The following ABCD4 variants were observed in gnomAD, a reference collection of about 807,000 sequenced individuals.
ABCD4 encodes ATP binding cassette subfamily D member 4.
In ABCD4, 53 loss-of-function variants were observed where a neutral mutation model predicts 86.3. That is an observed-to-expected ratio of 0.61 (90% CI 0.49 to 0.77). The LOEUF (loss-of-function observed/expected upper bound fraction) is 0.77. Ranked by LOEUF, ABCD4 falls within the 30% of genes least tolerant of loss-of-function variation. The pLI is 0.00. For missense variants in ABCD4, 757 were observed against 764.5 expected (o/e 0.99, Z 0.12); for synonymous variants, 328 against 313.6 (o/e 1.05, Z -0.49).
At chr14:74,289,409 T>A (rs2080825789) in intron 14 of ABCD4, 74 bp downstream of exon 14, 10 of 1,594,144 alleles carry the variant, frequency 6.3e-6, no homozygotes, top group Non-Finnish European at 8.5e-6. Flanking sequence ...AGGGCACAGA[T>A]GAGGCCACAG....
At chr14:74,299,392 G>T in intron 3 of ABCD4, 156 bp downstream of exon 3, 1 of 917,986 alleles carries the variant, frequency 1.1e-6, no homozygotes. Flanking sequence ...AGATCAACGT[G>T]CTTAATAAAG....
rs2083272202 is a variant in ABCD4, at chr14:74,297,860, C to T, written c.425+70G>A. On this transcript the variant is annotated intron_variant, in intron 4 of 18. Transcript: ENST00000356924. The stretch of plus-strand genomic sequence containing the variant: ...TGATCTCCTTGGTGTCTGCCACCAG[C>T]AGTCTCCAGGGCTAGGCCAGAAGGA... The T allele has an allele frequency of 4.6e-6, 7 of 1,520,934 alleles. No homozygotes were observed. The South Asian group carries it at 8.0e-5, about 17-fold the overall frequency. The allele number at this position is 1,520,934 out of a possible 1,614,324, so 94.2% of individuals were successfully genotyped here.
At chr14:74,297,809 C>A in intron 4 of ABCD4, 121 bp downstream of exon 4, 1 of 1,452,422 alleles carries the variant, frequency 6.9e-7, no homozygotes, top group Non-Finnish European at 9.1e-7. Flanking sequence ...TGACTCTGGG[C>A]AGCAGCATTT....
At position 74,288,704 on chromosome 14, in the gene ABCD4, C is replaced by T. The variant is rs1278396201; in HGVS notation, c.1506+12G>A. 1.2e-6 allele frequency: 2 copies of T among 1,613,052 alleles called. No homozygotes were observed. Among genetic ancestry groups the T allele is most frequent in the Admixed American group, 1.7e-5 (1 of 59,906 alleles). On this transcript the variant is annotated intron_variant, in intron 15 of 18. Transcript: ENST00000356924. The stretch of plus-strand genomic sequence containing the variant: ...GTGGGCTCGGGTCCTGAGGGTCCCT[C>T]TCCCCACTTACCAGGCCTGCCAATT...
intron 6 of ABCD4, 53 bp downstream of exon 6, chr14:74,295,801 C>A (rs1344082180): frequency 6.9e-6 from 11 of 1,605,796 alleles, no homozygotes; most frequent in African/African-American, 1.3e-5. Flanking sequence ...CTCCAGATCC[C>A]CTTCCTTAAC....
At chr14:74,290,226 T>C in intron 12 of ABCD4, 65 bp downstream of exon 12, 2 of 1,611,048 alleles carry the variant, frequency 1.2e-6, no homozygotes, top group Non-Finnish European at 1.7e-6. Context: ...TACCACACCG[T>C]CCCCGCCTTC....
Position 74,287,668 on chromosome 14 carries a change from G to C in ABCD4, c.1636+142C>G. 2.7e-6 allele frequency: 2 copies of C among 740,376 alleles called. 1 individual carries two copies. The highest frequency in any genetic ancestry group is 3.4e-5 in the South Asian group (2 of 59,346). The allele number at this position is 740,376 out of a possible 1,614,324, so 45.9% of individuals were successfully genotyped here. A position where few individuals can be genotyped will look rare whatever the true frequency, so the allele number is the denominator to read the frequency against. On this transcript the variant is annotated intron_variant, in intron 17 of 18. Transcript: ENST00000356924. ...ACGATGCCAGGCACTGTTTACACGG[G>C]CAGGGCCTGCTGTCCTCTCCAGCAG...
chr14:74,287,888 T>A lies in ABCD4; in HGVS notation c.1560-2A>T. ...TCCCCCGGGGACAGAACATCATACCTGAGGAAAGGTAGGAGAGAGGACTGC... is the reference window on the plus strand; with the variant it reads ...TCCCCCGGGGACAGAACATCATACCAGAGGAAAGGTAGGAGAGAGGACTGC... On this transcript the variant is annotated splice_acceptor_variant, in intron 16 of 18. Coordinates refer to ENST00000356924, the MANE Select transcript of ABCD4 (RefSeq NM_005050.4). LOFTEE classifies it high-confidence loss of function. The A allele has an allele frequency of 6.2e-7, 1 of 1,611,818 alleles. No homozygotes were observed. The highest frequency in any genetic ancestry group is 8.5e-7 in the Non-Finnish European group (1 of 1,178,756).
chr14:74,296,268 G>T, intron 5 of ABCD4, 65 bp downstream of exon 5: 1 of 1,502,640 alleles, frequency 6.7e-7, no homozygotes, highest in Non-Finnish European at 9.3e-7. Flanking sequence ...CTTGGACCTT[G>T]ACCTGGGAGA....
At chr14:74,299,796 T>C in intron 2 of ABCD4, 121 bp from the exon 3 acceptor site, 1 of 988,490 alleles carries the variant, frequency 1.0e-6, no homozygotes, top group Non-Finnish European at 1.5e-6. Context: ...GCGCGGTGGC[T>C]CACGCCTGTA....
rs1173826644 is a variant in ABCD4, at chr14:74,292,881, A to G, written c.815-12T>C. 1.2e-6 allele frequency: 2 copies of G among 1,614,026 alleles called. No individual in the cohort carries two copies. Among genetic ancestry groups the G allele is most frequent in the African/African-American group, 2.7e-5 (2 of 74,928 alleles). On this transcript the variant is annotated splice_polypyrimidine_tract_variant and intron_variant, in intron 8 of 18. Coordinates refer to ENST00000356924, the MANE Select transcript of ABCD4 (RefSeq NM_005050.4). ...GGTGTTGATGCCGACTGTAGAAAAC[A>G]CATCTGTGAGACACCCAGGAACCAT...
At position 74,293,212 on chromosome 14, in the gene ABCD4, C is replaced by A. The variant is rs149632647; in HGVS notation, c.756G>T (p.Arg252Ser). The part of the protein sequence containing the change: ...GHVEHMRTDR[R>S]LQRLLQTQRE... The stretch of plus-strand genomic sequence containing the variant: ...TCTGGGTCTGAAGGAGTCTCTGCAG[C>A]CTGCGGTCTGTCCTCATGTGCTCCA... Residue 252 changes from arginine (R) to serine (S), a missense_variant, in exon 8 of 19, where the codon AGG (arginine) becomes AGT (serine). Arg to Ser is a moderately radical substitution (Grantham distance 110). Transcript: ENST00000356924. 6.2e-7 allele frequency: 1 copy of A among 1,614,034 alleles called. No homozygotes were observed. The highest frequency in any genetic ancestry group is 1.3e-5 in the African/African-American group (1 of 74,908).
At chr14:74,286,600 TCTGCTA>T (rs1370368395) in intron 18 of ABCD4, 71 bp from the exon 19 acceptor site, 1 of 1,611,870 alleles carries the variant, frequency 6.2e-7, no homozygotes, top group Non-Finnish European at 8.5e-7. Context: ...CTCGGTTCTC[TCTGCTA>T]CTGCTACTCC....
chr14:74,293,340 C>T (rs2082056818), intron 7 of ABCD4, 92 bp from the exon 8 acceptor site: 1 of 1,158,604 alleles, frequency 8.6e-7, no homozygotes, highest in Non-Finnish European at 1.3e-6. Context: ...CCTTTAGAAA[C>T]CAAGGCCATT....
rs368445200 is a variant in ABCD4, at chr14:74,302,908, G to A, written c.5C>T (p.Ala2Val). The change falls in exon 1 of 19, where the codon GCG becomes GTG. Residue 2 changes from alanine (A) to valine (V), a missense_variant. Coordinates refer to ENST00000356924, the MANE Select transcript of ABCD4 (RefSeq NM_005050.4). Reference protein sequence around the residue: MAVAGPAPGAGA... With the variant: MVVAGPAPGAGA... ...AGCTCCGGGCGCGGGCCCCGCGACC[G>A]CCATGACCTGAGACCCGAGGGACTC... The A allele has an allele frequency of 5.2e-5, 84 of 1,607,658 alleles. 1 individual carries two copies. The highest frequency in any genetic ancestry group is 4.3e-4 in the South Asian group (39 of 90,008).
At chr14:74,296,908 G>A (rs2083012137) in intron 4 of ABCD4, 1 of 153,466 alleles carries the variant, frequency 6.5e-6, no homozygotes, top group Admixed American at 6.5e-5. Context: ...AGCTACTCAG[G>A]GGGCAGAGGC....
chr14:74,293,354 A>C, intron 7 of ABCD4, 106 bp from the exon 8 acceptor site: 1 of 1,000,822 alleles, frequency 1.0e-6, no homozygotes, highest in Non-Finnish European at 1.5e-6. Context: ...GGCCATTCAA[A>C]TGATCTTGGT....
chr14:74,300,403 T>C (rs1428828254), intron 1 of ABCD4, 135 bp from the exon 2 acceptor site: 4 of 640,724 alleles, frequency 6.2e-6, no homozygotes, highest in South Asian at 2.0e-5. Context: ...ATGCTGAAGA[T>C]GGTAGGCTGG....
intron 1 of ABCD4, 70 bp downstream of exon 1, chr14:74,302,805 G>T: frequency 6.9e-7 from 1 of 1,442,892 alleles, no homozygotes; most frequent in Non-Finnish European, 9.2e-7. Flanking sequence ...AGGCACGGAG[G>T]GCAGGAAAGC....
Sources: allele counts gnomAD v4.1 joint callset, GRCh38; gene constraint gnomAD v4.1.1; transcripts MANE v1.5; gene names NCBI Gene and HGNC (gene_info 2026-07-23, HGNC 2026-07-21).